Variants in ALG12 observed in about 807,000 individuals in gnomAD.
ALG12 encodes the protein dol-P-Man:Man(7)GlcNAc(2)-PP-Dol alpha-1,6-mannosyltransferase.
Under a neutral mutation model 46.0 loss-of-function variants are expected in ALG12, and 36 were observed. That is an observed-to-expected ratio of 0.78 (90% CI 0.60 to 1.03). The LOEUF (loss-of-function observed/expected upper bound fraction) is 1.03. Among genes scored for constraint, ALG12 ranks in the 50% least tolerant of loss-of-function variants. The pLI, the probability that ALG12 is intolerant of heterozygous loss-of-function variation, is 0.00. For synonymous variants in ALG12, 326 were observed against 291.6 expected (o/e 1.12, Z -1.20); for missense variants, 599 against 633.5 (o/e 0.95, Z 0.58).
At position 49,903,942 on chromosome 22, in the gene ALG12, C is replaced by T. The variant is rs367671008; in HGVS notation, c.1363G>A (p.Val455Met). The T allele has an allele frequency of 3.0e-5, 49 of 1,614,090 alleles. No homozygotes were observed. In the East Asian group the frequency reaches 3.6e-4, roughly 12 times the overall value. ...RDTHRVLASVVGTTGVSLNLT... is the reference protein window; with the variant it reads ...RDTHRVLASVMGTTGVSLNLT... Reference sequence around the variant, plus strand: ...TTCAGACTCACACCTGTGGTCCCCACGACGCTGGCCAGGACCCGGTGTGTG... The same window carrying T: ...TTCAGACTCACACCTGTGGTCCCCATGACGCTGGCCAGGACCCGGTGTGTG... Residue 455 changes from valine (V) to methionine (M), a missense_variant, in exon 10 of 10, where the codon GTG (valine) becomes ATG (methionine). Physicochemically the swap from Val to Met is conservative, Grantham distance 21. Transcript: ENST00000330817.
At chr22:49,878,368 G>A in the ALG12 span, among the ~76,000 whole-genome samples, 2 of 151,070 alleles carry the variant, frequency 1.3e-5, no homozygotes, top group African/African-American at 4.8e-5. Flanking sequence ...ATAATAACTG[G>A]GAGTGGAACA....
the ALG12 span, among the ~76,000 whole-genome samples, chr22:49,867,891 C>T: frequency 6.6e-6 from 1 of 152,188 alleles, no homozygotes; most frequent in African/African-American, 2.4e-5. Context: ...CTTACATGAG[C>T]CCACAGTTGG....
At chr22:49,883,131 T>C in the ALG12 span, among the ~76,000 whole-genome samples, 15 of 152,314 alleles carry the variant, frequency 9.8e-5, no homozygotes, top group East Asian at 2.5e-3. Context: ...TTTTTTTTCA[T>C]GTCTCTATTT....
At chr22:49,907,599 T>C in intron 7 of ALG12, 122 bp downstream of exon 7, 1 of 1,139,126 alleles carries the variant, frequency 8.8e-7, no homozygotes, top group Non-Finnish European at 1.3e-6. Context: ...CCACTCCAGC[T>C]GGGCGACAGA....
the ALG12 span, among the ~76,000 whole-genome samples, chr22:49,882,552 T>C: frequency 6.6e-6 from 1 of 152,230 alleles, no homozygotes; most frequent in Non-Finnish European, 1.5e-5. Context: ...CTACCCCACA[T>C]GACTCCATCG....
the ALG12 span, chr22:49,885,205 T>A: frequency 1.2e-6 from 2 of 1,613,862 alleles, no homozygotes; most frequent in Non-Finnish European, 1.7e-6. Context: ...CCAGAAGGGC[T>A]TCCTGGGTGC....
the ALG12 span, chr22:49,884,709 G>C: frequency 1.2e-4 from 196 of 1,598,150 alleles, no homozygotes; most frequent in African/African-American, 2.5e-3. Context: ...CGGGCATCCC[G>C]CCACTGTACT....
At chr22:49,912,146 C>T (rs1050087080) in intron 3 of ALG12, among the ~76,000 whole-genome samples, 12 of 151,904 alleles carry the variant, frequency 7.9e-5, no homozygotes, top group Admixed American at 1.3e-4. Flanking sequence ...CCCTCGGCCC[C>T]GGGATCACCC....
At position 49,906,699 on chromosome 22, in the gene ALG12, C is replaced by A. The variant is rs559716005; in HGVS notation, c.992+1022G>T. ...GCCCTCCTGGCCTGTAGCCCTGCCG[C>A]CCCTCAATGCCCAGCGTGGCCTGAG... is the stretch of plus-strand genomic sequence containing the variant. On this transcript the variant is annotated intron_variant, in intron 7 of 9. Transcript: ENST00000330817. This position sits in a 1 kb window ranked among gnomAD's most constrained non-coding sequence, Gnocchi z 4.4. Among the ~76,000 whole-genome samples, 15 of 152,324 alleles carry A rather than the reference C, an allele frequency of 9.8e-5. No individual in the cohort carries two copies. The South Asian group carries it at 2.9e-3, about 29-fold the overall frequency.
At chr22:49,860,931 A>G in the ALG12 span, among the ~76,000 whole-genome samples, 1 of 151,528 alleles carries the variant, frequency 6.6e-6, no homozygotes, top group Non-Finnish European at 1.5e-5. Context: ...GGCGCCCACC[A>G]CCACGCCCAG....
At chr22:49,872,141 CT>C in the ALG12 span, among the ~76,000 whole-genome samples, 1 of 152,210 alleles carries the variant, frequency 6.6e-6, no homozygotes, top group African/African-American at 2.4e-5. Context: ...AGTAGAACTT[CT>C]TTCAAAATTG....
intron 5 of ALG12, 23 bp downstream of exon 5, chr22:49,909,871 G>A: frequency 6.2e-7 from 1 of 1,613,946 alleles, no homozygotes. Context: ...CCAGTTAGAA[G>A]CATCCCACAG....
the ALG12 span, among the ~76,000 whole-genome samples, chr22:49,862,584 C>G: frequency 6.6e-6 from 1 of 152,192 alleles, no homozygotes; most frequent in Non-Finnish European, 1.5e-5. Context: ...CGTGCCGCCC[C>G]AGCCCCTCCC....
At position 49,910,093 on chromosome 22, in the gene ALG12, A is replaced by G. The variant is rs2060567301; in HGVS notation, c.470-5T>C. On this transcript the variant is annotated splice_region_variant and splice_polypyrimidine_tract_variant and intron_variant, in intron 4 of 9. Transcript: ENST00000330817. ...AGGCCGCGAGGGCCAGCAGGACTGC[A>G]AGACAGTGCGGGAGGGTGCTCGTCA... The G allele has an allele frequency of 1.2e-6, 2 of 1,601,780 alleles. No homozygotes were observed. The highest frequency in any genetic ancestry group is 1.3e-5 in the African/African-American group (1 of 74,814).
rs555268463 is a variant in ALG12, at chr22:49,916,218, A to G, written c.-79+2045T>C. ...CAGTGAGCCGAGATCGCGCCACTGC[A>G]CTCCTGCCTGGGCGACAGAGCAAGA... On this transcript the variant is annotated intron_variant, in intron 1 of 9. Coordinates refer to ENST00000330817, the MANE Select transcript of ALG12 (RefSeq NM_024105.4). 2.6e-4 allele frequency among the ~76,000 whole-genome samples: 39 copies of G among 152,208 alleles called. No homozygotes were observed. In the East Asian group the frequency reaches 7.3e-3, roughly 29 times the overall value.
At chr22:49,884,248 G>A in the ALG12 span, 66 of 1,603,036 alleles carry the variant, frequency 4.1e-5, 1 homozygote, top group Non-Finnish European at 5.3e-5. Flanking sequence ...GCCTGCGGAC[G>A]CGGGTGACCT....
chr22:49,911,163 C>T (rs2060574667), intron 3 of ALG12, among the ~76,000 whole-genome samples: 1 of 152,216 alleles, frequency 6.6e-6, no homozygotes, highest in Non-Finnish European at 1.5e-5. Flanking sequence ...CACCGTGGAC[C>T]GGCCTGTCAG....
Position 49,900,818 on chromosome 22 carries a change from T to C in ALG12, c.*3020A>G, listed in dbSNP as rs1298100022. The C allele has an allele frequency of 6.6e-6, 1 of 152,276 alleles. No individual in the cohort carries two copies. Among genetic ancestry groups the C allele is most frequent in the Admixed American group, 6.5e-5 (1 of 15,282 alleles). The allele number at this position is 152,276 out of a possible 1,614,324, so 9.4% of individuals were successfully genotyped here. A position where few individuals can be genotyped will look rare whatever the true frequency, so the allele number is the denominator to read the frequency against. On this transcript the variant is annotated 3_prime_UTR_variant, in exon 10 of 10. Transcript: ENST00000330817. ...TACACACATATTACATATGTACGTG[T>C]GCAACTGCACGCAGCATGCCTGTCC...
the ALG12 span, among the ~76,000 whole-genome samples, chr22:49,878,891 C>A: frequency 6.6e-6 from 1 of 151,738 alleles, no homozygotes. Context: ...ATGCATGTAA[C>A]CCCAACACTT....
Sources: allele counts gnomAD v4.1 joint callset (sites outside exome capture counted in the v4.1 genomes callset), GRCh38; gene constraint gnomAD v4.1.1; non-coding constraint Gnocchi (gnomAD v3.1); transcripts MANE v1.5; gene names NCBI Gene and HGNC (gene_info 2026-07-23, HGNC 2026-07-21).